Variants in CCDC178 observed in about 807,000 individuals in gnomAD.
CCDC178 encodes coiled-coil domain-containing protein 178.
In CCDC178, 126 loss-of-function variants were observed where a neutral mutation model predicts 117.4. The ratio of observed to expected loss-of-function variants is 1.07; its 90% CI spans 0.93 to 1.24. The LOEUF is 1.24. Among genes scored for constraint, CCDC178 ranks in the 50% most tolerant of loss-of-function variants. The pLI, the probability that CCDC178 is intolerant of heterozygous loss-of-function variation, is 0.00. For missense variants in CCDC178, 1,030 were observed against 986.9 expected, an observed-to-expected ratio of 1.04 and a Z score of -0.59; for synonymous variants, 283 against 313.4, an observed-to-expected ratio of 0.90 and a Z score of 1.02.
At chr18:33,412,181 T>G in intron 2 of CCDC178, 71 bp from the exon 3 acceptor site, 1 of 607,670 alleles carries the variant, frequency 1.6e-6, no homozygotes, top group Non-Finnish European at 2.8e-6. Context: ...CTAAAAATTG[T>G]CAATTCAAGA....
chr18:33,024,041 C>G (rs2056175589), intron 21 of CCDC178, among the ~76,000 whole-genome samples: 1 of 152,146 alleles, frequency 6.6e-6, no homozygotes, highest in Non-Finnish European at 1.5e-5. Flanking sequence ...ACAATTCACA[C>G]AATATGAAAC....
chr18:33,222,161 C>T (rs1030114641), intron 18 of CCDC178, among the ~76,000 whole-genome samples: 15 of 152,026 alleles, frequency 9.9e-5, no homozygotes, highest in African/African-American at 3.6e-4. Context: ...AGCCGTTTAA[C>T]AAAAGTGTAA....
At chr18:33,231,619 A>G (rs1029024612) in intron 15 of CCDC178, among the ~76,000 whole-genome samples, 1 of 152,172 alleles carries the variant, frequency 6.6e-6, no homozygotes, top group African/African-American at 2.4e-5. Context: ...AACAGAGGGC[A>G]GGGGACAGGC....
chr18:33,160,773 C>T (rs2058452547), intron 20 of CCDC178, among the ~76,000 whole-genome samples: 1 of 152,086 alleles, frequency 6.6e-6, no homozygotes, highest in South Asian at 2.1e-4. Context: ...AGTCTTCAGC[C>T]ACTATTCATG....
intron 21 of CCDC178, among the ~76,000 whole-genome samples, chr18:33,077,307 C>A (rs1419438024): frequency 6.6e-6 from 1 of 152,050 alleles, no homozygotes; most frequent in Non-Finnish European, 1.5e-5. Context: ...AACAAAGTAC[C>A]TGTTATAAGC....
chr18:33,269,957 T>C (rs2059867226), intron 12 of CCDC178, among the ~76,000 whole-genome samples: 1 of 151,796 alleles, frequency 6.6e-6, no homozygotes, highest in Non-Finnish European at 1.5e-5. Flanking sequence ...ATTTGAAATA[T>C]GTTCAAGGAT....
chr18:33,252,088 G>A (rs372102771), intron 14 of CCDC178, among the ~76,000 whole-genome samples: 1 of 151,744 alleles, frequency 6.6e-6, no homozygotes, highest in Admixed American at 6.6e-5. Flanking sequence ...AGTAGAGTAA[G>A]TTAGAAAAAG....
intron 22 of CCDC178, among the ~76,000 whole-genome samples, chr18:32,948,838 G>A (rs566369338): frequency 6.6e-6 from 1 of 151,876 alleles, no homozygotes; most frequent in East Asian, 1.9e-4. Context: ...TTATCATTTG[G>A]GAGCCAATCA....
At chr18:33,202,592 G>T (rs1335506496) in intron 20 of CCDC178, among the ~76,000 whole-genome samples, 1 of 152,004 alleles carries the variant, frequency 6.6e-6, no homozygotes, top group Non-Finnish European at 1.5e-5. Flanking sequence ...GCTCTGTGGG[G>T]TCTACATCCG....
At position 33,212,053 on chromosome 18, in the gene CCDC178, T is replaced by G. The variant is rs773829035; in HGVS notation, c.2081A>C (p.Asn694Thr). ...TTTAAATCTCATAGTTATAAATTTGTTCCTGTGAAGAAAGAATTCCATGTG... is the reference window on the plus strand; with the variant it reads ...TTTAAATCTCATAGTTATAAATTTGGTCCTGTGAAGAAAGAATTCCATGTG... ...SFDQTLEILK[N>T]KFITMRFKRE... The change falls in exon 20 of 23, where the codon AAC (asparagine) becomes ACC (threonine). Residue 694 changes from asparagine (N) to threonine (T), a missense_variant and splice_region_variant. Physicochemically the swap from Asn to Thr is moderately conservative, Grantham distance 65. Coordinates refer to ENST00000383096, the MANE Select transcript of CCDC178 (RefSeq NM_001105528.4). 1.3e-5 allele frequency: 21 copies of G among 1,567,522 alleles called. No individual in the cohort carries two copies. Among genetic ancestry groups the G allele is most frequent in the Non-Finnish European group, 9.5e-6 (11 of 1,162,234 alleles).
At chr18:33,404,971 G>A (rs537414074) in intron 3 of CCDC178, among the ~76,000 whole-genome samples, 25 of 152,140 alleles carry the variant, frequency 1.6e-4, no homozygotes, top group Non-Finnish European at 2.9e-4. Context: ...GAGGAATGGG[G>A]AAAGAATGCT....
chr18:33,189,775 G>A (rs271455), intron 20 of CCDC178, among the ~76,000 whole-genome samples: 24,528 of 152,032 alleles, frequency 0.16, 2,763 homozygotes, highest in African/African-American at 0.32. Context: ...TTATCAACTC[G>A]GTTTAGTTGG....
At chr18:33,230,167 T>A (rs1273531555) in intron 15 of CCDC178, among the ~76,000 whole-genome samples, 1 of 152,164 alleles carries the variant, frequency 6.6e-6, no homozygotes. Flanking sequence ...GCTCAAAGTA[T>A]GGTCTCCACT....
chr18:33,315,313 T>C (rs778713313), intron 11 of CCDC178, among the ~76,000 whole-genome samples: 4 of 152,136 alleles, frequency 2.6e-5, no homozygotes, highest in African/African-American at 4.8e-5. Context: ...GGGTAAGTAA[T>C]TCAAGATTAA....
intron 21 of CCDC178, among the ~76,000 whole-genome samples, chr18:33,049,775 A>G (rs1010101078): frequency 1.3e-5 from 2 of 152,144 alleles, no homozygotes; most frequent in Non-Finnish European, 2.9e-5. Flanking sequence ...GTTTCCTAAC[A>G]ATACTTTAAA....
chr18:33,218,958 C>A (rs2059199999), intron 18 of CCDC178, among the ~76,000 whole-genome samples: 1 of 152,016 alleles, frequency 6.6e-6, no homozygotes, highest in Non-Finnish European at 1.5e-5. Flanking sequence ...TCCATATGAA[C>A]TTTAAAGTAG....
At position 33,078,418 on chromosome 18, in the gene CCDC178, G is replaced by A. The variant is rs760083088; in HGVS notation, c.2388+14343C>T. On this transcript the variant is annotated intron_variant, in intron 21 of 22. Transcript: ENST00000383096. ...GCCACTTCTGTTCAACATAGAATTGGAAGTCCTGGCCAGAGCAATCAGGCA... is the reference window on the plus strand; with the variant it reads ...GCCACTTCTGTTCAACATAGAATTGAAAGTCCTGGCCAGAGCAATCAGGCA... Among the ~76,000 whole-genome samples the A allele has an allele frequency of 1.2e-3, 180 of 152,262 alleles. 1 individual carries two copies. Among genetic ancestry groups the A allele is most frequent in the Non-Finnish European group, 7.8e-4 (53 of 68,026 alleles).
chr18:33,174,199 C>A (rs892035421), intron 20 of CCDC178, among the ~76,000 whole-genome samples: 3 of 152,014 alleles, frequency 2.0e-5, no homozygotes, highest in Non-Finnish European at 4.4e-5. Context: ...TACTTTTAAA[C>A]GACCAGATCT....
At chr18:33,387,891 T>A (rs1347188139) in intron 5 of CCDC178, among the ~76,000 whole-genome samples, 1 of 152,114 alleles carries the variant, frequency 6.6e-6, no homozygotes, top group Non-Finnish European at 1.5e-5. Flanking sequence ...AGCTTCTGCA[T>A]AGCAAAAGAA....
Sources: allele counts gnomAD v4.1 joint callset (sites outside exome capture counted in the v4.1 genomes callset), GRCh38; gene constraint gnomAD v4.1.1; transcripts MANE v1.5; gene names NCBI Gene and HGNC (gene_info 2026-07-23, HGNC 2026-07-21).